Variants in TXNDC5 observed in about 807,000 individuals in gnomAD.
TXNDC5 encodes thioredoxin domain containing 5.
In TXNDC5, 44 loss-of-function variants were observed where a neutral mutation model predicts 52.6. The observed-to-expected ratio is 0.84, with a 90% CI of 0.66 to 1.08. The LOEUF is 1.08. Among genes scored for constraint, TXNDC5 ranks in the 50% least tolerant of loss-of-function variants. The pLI is 0.00. For synonymous variants in TXNDC5, 241 were observed against 234.4 expected (o/e 1.03, Z -0.26); for missense variants, 600 against 565.5 (o/e 1.06, Z -0.62).
intron 5 of TXNDC5, 33 bp from the exon 6 acceptor site, chr6:7,889,614 G>A: frequency 6.4e-7 from 1 of 1,556,610 alleles, no homozygotes; most frequent in Non-Finnish European, 8.8e-7. Context: ...TTCCCAGTCA[G>A]TTTCTTCATG....
chr6:7,888,661 G>C (rs887984518), intron 7 of TXNDC5, 44 bp downstream of exon 7: 1 of 1,571,128 alleles, frequency 6.4e-7, no homozygotes, highest in East Asian at 2.3e-5. Flanking sequence ...GGGGCCGGGG[G>C]CCACGGGCCA....
chr6:7,902,886 G>A (rs1285491070), intron 2 of TXNDC5, among the ~76,000 whole-genome samples: 1 of 152,160 alleles, frequency 6.6e-6, no homozygotes, highest in Admixed American at 6.5e-5. Context: ...TTAAATTTGT[G>A]ATGGTTTTTG....
chr6:7,906,413 G>A (rs1211396032), intron 1 of TXNDC5, among the ~76,000 whole-genome samples: 1 of 151,814 alleles, frequency 6.6e-6, no homozygotes, highest in African/African-American at 2.4e-5. Context: ...GCACACGCCT[G>A]TAATCTCAGC....
rs909009155 is a variant in TXNDC5 at position 7,909,958 on chromosome 6, C to A, written c.263+556G>T. On this transcript the variant is annotated intron_variant, in intron 1 of 9. Coordinates refer to ENST00000379757, the MANE Select transcript of TXNDC5 (RefSeq NM_030810.5). ...GGGCAGGCCGCGCGTCCGGCCGGCACAGGAAGTTTGGGGCGCTGGGCAGGG... is the reference window on the plus strand; with the variant it reads ...GGGCAGGCCGCGCGTCCGGCCGGCAAAGGAAGTTTGGGGCGCTGGGCAGGG... The A allele has an allele frequency of 2.3e-5, 23 of 986,004 alleles. No individual in the cohort carries two copies. The African/African-American group carries it at 3.8e-4, about 16-fold the overall frequency. The allele number at this position is 986,004 out of a possible 1,614,324, so 61.1% of individuals were successfully genotyped here. A position where few individuals can be genotyped will look rare whatever the true frequency, so the allele number is the denominator to read the frequency against.
chr6:7,889,947 G>A (rs1342535107), intron 5 of TXNDC5, among the ~76,000 whole-genome samples: 3 of 152,120 alleles, frequency 2.0e-5, no homozygotes, highest in Non-Finnish European at 2.9e-5. Context: ...CCTGGCTGTC[G>A]GTGACTGGGA....
chr6:7,901,395 G>C (rs188969011), intron 2 of TXNDC5, among the ~76,000 whole-genome samples: 2 of 152,090 alleles, frequency 1.3e-5, no homozygotes, highest in Non-Finnish European at 2.9e-5. Context: ...GACCAGGGAC[G>C]GTCACACTTG....
Position 7,910,752 on chromosome 6 carries a change from G to A in TXNDC5, c.25C>T (p.Leu9Phe). Reference sequence around the variant, plus strand: ...GCCGCCGGCCGGGCCAGCAGCGGGAGGAGGCGTCCTGGGCGCGCGGGCATC... The same window carrying A: ...GCCGCCGGCCGGGCCAGCAGCGGGAAGAGGCGTCCTGGGCGCGCGGGCATC... Reference protein sequence around the residue: MPARPGRLLPLLARPAALT... With the variant: MPARPGRLFPLLARPAALT... The change falls in exon 1 of 10, where the codon CTC (leucine) becomes TTC (phenylalanine). Residue 9 changes from leucine to phenylalanine, a missense_variant. Coordinates refer to ENST00000379757, the MANE Select transcript of TXNDC5 (RefSeq NM_030810.5). 8.9e-6 allele frequency: 9 copies of A among 1,005,876 alleles called. No homozygotes were observed. Among genetic ancestry groups the A allele is most frequent in the South Asian group, 8.8e-5 (2 of 22,606 alleles). The allele number at this position is 1,005,876 out of a possible 1,614,324, so 62.3% of individuals were successfully genotyped here. A position where few individuals can be genotyped will look rare whatever the true frequency, so the allele number is the denominator to read the frequency against.
At chr6:7,892,486 G>C (rs1760230551) in intron 4 of TXNDC5, among the ~76,000 whole-genome samples, 1 of 152,224 alleles carries the variant, frequency 6.6e-6, no homozygotes, top group African/African-American at 2.4e-5. Context: ...ATAGTGCTCA[G>C]GAATGTGCAC....
rs1330043343 is a variant in TXNDC5 at position 7,910,627 on chromosome 6, G to T, written c.150C>A (p.Pro50=). ...CCTGTCCGTCCTCGCCGTCTGCCGCGGGGGGCCCGTCCGCCGCCGCCGCCG... is the reference window on the plus strand; with the variant it reads ...CCTGTCCGTCCTCGCCGTCTGCCGCTGGGGGCCCGTCCGCCGCCGCCGCCG... ...EAAAAAADGP[P]AADGEDGQDP... is the part of the protein sequence containing the mutation. The change falls in exon 1 of 10, where the codon CCC becomes CCA. Residue 50 remains proline (P), a synonymous_variant. Coordinates refer to ENST00000379757, the MANE Select transcript of TXNDC5 (RefSeq NM_030810.5). The T allele has an allele frequency of 8.2e-6, 11 of 1,340,840 alleles. No individual in the cohort carries two copies. The highest frequency in any genetic ancestry group is 3.1e-5 in the African/African-American group (2 of 65,134). The allele number at this position is 1,340,840 out of a possible 1,614,324, so 83.1% of individuals were successfully genotyped here.
chr6:7,904,459 C>T, intron 2 of TXNDC5, 115 bp downstream of exon 2: 1 of 1,358,322 alleles, frequency 7.4e-7, no homozygotes, highest in Non-Finnish European at 1.0e-6. Flanking sequence ...TCCCTAATGA[C>T]AGGGACTGCC....
chr6:7,899,520 G>A, intron 3 of TXNDC5, 56 bp downstream of exon 3: 2 of 1,276,694 alleles, frequency 1.6e-6, no homozygotes, highest in Non-Finnish European at 2.2e-6. Flanking sequence ...CCCCAAAGAT[G>A]TAGGCAGGGA....
chr6:7,895,861 C>T (rs963025618), intron 3 of TXNDC5, among the ~76,000 whole-genome samples: 1 of 152,064 alleles, frequency 6.6e-6, no homozygotes, highest in Non-Finnish European at 1.5e-5. Flanking sequence ...AGCATGGTGA[C>T]GTGCGCCTGT....
At chr6:7,892,342 G>A (rs72829238) in intron 4 of TXNDC5, among the ~76,000 whole-genome samples, 16,854 of 152,294 alleles carry the variant, frequency 0.11, 979 homozygotes, top group African/African-American at 0.14. Flanking sequence ...GACACAATTA[G>A]CAAAGTCTGG....
At chr6:7,886,083 T>C in intron 7 of TXNDC5, 40 bp from the exon 8 acceptor site, 1 of 1,582,184 alleles carries the variant, frequency 6.3e-7, no homozygotes, top group East Asian at 2.2e-5. Context: ...GTACATCCCT[T>C]AAAGTTGAGC....
At chr6:7,908,806 T>C (rs1760817033) in intron 1 of TXNDC5, among the ~76,000 whole-genome samples, 1 of 152,134 alleles carries the variant, frequency 6.6e-6, no homozygotes, top group South Asian at 2.1e-4. Flanking sequence ...ACCACTGGTT[T>C]CAGGCTGGGT....
At chr6:7,884,567 CT>C in intron 8 of TXNDC5, 79 bp from the exon 9 acceptor site, 1 of 1,594,056 alleles carries the variant, frequency 6.3e-7, no homozygotes, top group South Asian at 1.1e-5. Context: ...AAGACAAGCT[CT>C]GTTTCTTCTG....
At chr6:7,893,143 A>T (rs1163404171) in intron 4 of TXNDC5, among the ~76,000 whole-genome samples, 1 of 152,252 alleles carries the variant, frequency 6.6e-6, no homozygotes, top group Non-Finnish European at 1.5e-5. Flanking sequence ...TGGACACAGA[A>T]GGTGTTTAGC....
At chr6:7,906,661 G>C (rs866759157) in intron 1 of TXNDC5, among the ~76,000 whole-genome samples, 2 of 148,252 alleles carry the variant, frequency 1.3e-5, no homozygotes, top group Non-Finnish European at 3.0e-5. Context: ...TGCTTTATGA[G>C]ATACTCAGAT....
intron 7 of TXNDC5, among the ~76,000 whole-genome samples, chr6:7,886,992 A>G (rs532097139): frequency 7.2e-5 from 11 of 152,366 alleles, no homozygotes; most frequent in African/African-American, 2.6e-4. Flanking sequence ...TCCGTGGTAT[A>G]TAATTATACT....
Sources: allele counts gnomAD v4.1 joint callset (sites outside exome capture counted in the v4.1 genomes callset), GRCh38; gene constraint gnomAD v4.1.1; transcripts MANE v1.5; gene names NCBI Gene and HGNC (gene_info 2026-07-23, HGNC 2026-07-21).